Variants in AHCYL1 observed in about 807,000 individuals in gnomAD.
The protein encoded by AHCYL1 is S-adenosylhomocysteine hydrolase-like protein 1.
In AHCYL1, 20 loss-of-function variants were observed where a neutral mutation model predicts 79.3. The observed-to-expected ratio is 0.25, with a 90% CI of 0.18 to 0.37. The LOEUF (loss-of-function observed/expected upper bound fraction) is 0.37. Ranked by LOEUF, AHCYL1 falls within the 10% of genes least tolerant of loss-of-function variation. AHCYL1 has a pLI of 1.00. For synonymous variants in AHCYL1, 223 were observed against 242.2 expected (o/e 0.92, Z 0.74); for missense variants, 330 against 673.6 (o/e 0.49, Z 5.65).
chr1:110,018,291 G>A, intron 11 of AHCYL1, 82 bp from the exon 12 acceptor site: 1 of 1,322,402 alleles, frequency 7.6e-7, no homozygotes, highest in Non-Finnish European at 1.1e-6. Flanking sequence ...CAAGCCTCTG[G>A]TCTCCTATGT....
intron 1 of AHCYL1, among the ~76,000 whole-genome samples, chr1:109,988,772 CT>C (rs1474990458): frequency 6.6e-6 from 1 of 152,182 alleles, no homozygotes; most frequent in Non-Finnish European, 1.5e-5. Flanking sequence ...GAAGAAACTA[CT>C]TTTGTTTATA....
chr1:109,984,856 G>C lies in AHCYL1; in HGVS notation c.-197G>C, dbSNP rs1295413452. 1 of 806,496 alleles carries C rather than the reference G, an allele frequency of 1.2e-6. No individual in the cohort carries two copies. The highest frequency in any genetic ancestry group is 1.7e-6 in the Non-Finnish European group (1 of 602,452). The allele number at this position is 806,496 out of a possible 1,614,324, so 50.0% of individuals were successfully genotyped here. A position where few individuals can be genotyped will look rare whatever the true frequency, so the allele number is the denominator to read the frequency against. On this transcript the variant is annotated 5_prime_UTR_variant, in exon 1 of 17. Coordinates refer to ENST00000369799, the MANE Select transcript of AHCYL1 (RefSeq NM_006621.7). ...TTCTGGTTCTCTTGTGGCCGCCGTC[G>C]CTGTCCGGCTGCCTTGGGCTGCCGA...
chr1:110,015,128 C>T (rs1651331219), intron 6 of AHCYL1, among the ~76,000 whole-genome samples: 1 of 152,060 alleles, frequency 6.6e-6, no homozygotes, highest in Admixed American at 6.6e-5. Context: ...TCCTTCCTGC[C>T]CCAGTTCTCC....
At chr1:110,017,681 C>T (rs1157470774) in intron 10 of AHCYL1, 98 bp downstream of exon 10, 1 of 1,319,080 alleles carries the variant, frequency 7.6e-7, no homozygotes, top group African/African-American at 1.5e-5. Flanking sequence ...CAGAAATCAC[C>T]TAGGGGAAGA....
rs1649994480 is a variant in AHCYL1, at chr1:109,995,681, C to T, written c.120+10509C>T. The stretch of plus-strand genomic sequence containing the variant: ...GATTATTTCTTAGATCAGCACTTCT[C>T]ATTCTGTGGAAGGAGAAGAAGGTAT... On this transcript the variant is annotated intron_variant, in intron 1 of 16. Coordinates refer to ENST00000369799, the MANE Select transcript of AHCYL1 (RefSeq NM_006621.7). The T allele has an allele frequency of 5.1e-6, 5 of 985,300 alleles. No homozygotes were observed. In the South Asian group the frequency reaches 1.9e-4, roughly 37 times the overall value. The allele number at this position is 985,300 out of a possible 1,614,324, so 61.0% of individuals were successfully genotyped here. A position where few individuals can be genotyped will look rare whatever the true frequency, so the allele number is the denominator to read the frequency against.
chr1:110,013,088 A>G (rs1651156479), intron 5 of AHCYL1, 89 bp downstream of exon 5: 1 of 965,386 alleles, frequency 1.0e-6, no homozygotes, highest in Non-Finnish European at 1.5e-6. Context: ...TTACAATATC[A>G]TATATGTCTA....
At chr1:110,005,381 A>G (rs749946546) in intron 1 of AHCYL1, among the ~76,000 whole-genome samples, 6 of 152,248 alleles carry the variant, frequency 3.9e-5, no homozygotes, top group Non-Finnish European at 7.3e-5. Flanking sequence ...TGTGAAGACT[A>G]TAATATCTGG....
chr1:109,988,860 A>T (rs1292434666), intron 1 of AHCYL1, among the ~76,000 whole-genome samples: 1 of 152,256 alleles, frequency 6.6e-6, no homozygotes, highest in Non-Finnish European at 1.5e-5. Flanking sequence ...AAGCACACCA[A>T]GTAGAGCCCC....
intron 1 of AHCYL1, among the ~76,000 whole-genome samples, chr1:109,997,889 A>G (rs896596883): frequency 1.3e-5 from 2 of 152,226 alleles, no homozygotes; most frequent in Non-Finnish European, 2.9e-5. Flanking sequence ...AACTTTCCAT[A>G]TGCACACTGG....
chr1:110,002,187 A>T (rs1455053177), intron 1 of AHCYL1, among the ~76,000 whole-genome samples: 2 of 152,242 alleles, frequency 1.3e-5, no homozygotes, highest in Non-Finnish European at 2.9e-5. Flanking sequence ...AGAACCTAGG[A>T]GTAGTGCATC....
intron 1 of AHCYL1, chr1:110,000,910 TG>T: frequency 1.0e-6 from 1 of 974,920 alleles, no homozygotes; most frequent in Non-Finnish European, 1.2e-6. Context: ...CTCTGTAAAC[TG>T]TAAGCCACAG....
At chr1:109,985,603 C>T (rs1228019316) in intron 1 of AHCYL1, 6 of 955,460 alleles carry the variant, frequency 6.3e-6, no homozygotes, top group East Asian at 2.3e-4. Flanking sequence ...GCCGCTTTAT[C>T]CAACAACTGC....
intron 16 of AHCYL1, 127 bp downstream of exon 16, chr1:110,020,978 C>T: frequency 7.2e-7 from 1 of 1,391,354 alleles, no homozygotes. Context: ...CTGTTCCAGG[C>T]CAGGCACGGT....
chr1:109,994,598 A>G (rs1649934010), intron 1 of AHCYL1, among the ~76,000 whole-genome samples: 1 of 152,124 alleles, frequency 6.6e-6, no homozygotes, highest in African/African-American at 2.4e-5. Context: ...AAATTTTGCT[A>G]TTTTGGAAGT....
intron 1 of AHCYL1, among the ~76,000 whole-genome samples, chr1:110,005,752 C>T (rs910455222): frequency 1.3e-5 from 2 of 149,792 alleles, no homozygotes; most frequent in Non-Finnish European, 3.0e-5. Flanking sequence ...AACTCAGCTT[C>T]TAATGGTAAA....
intron 6 of AHCYL1, 100 bp downstream of exon 6, chr1:110,014,957 T>G (rs978176660): frequency 1.8e-6 from 2 of 1,108,660 alleles, no homozygotes; most frequent in African/African-American, 1.5e-5. Flanking sequence ...TTTGGTCTTA[T>G]GCACTGACTT....
rs1651933556 is a variant in AHCYL1 at position 110,023,608 on chromosome 1, G to C, written c.*1928G>C. 6.6e-6 allele frequency: 1 copy of C among 152,460 alleles called. No homozygotes were observed. The highest frequency in any genetic ancestry group is 1.5e-5 in the Non-Finnish European group (1 of 68,016). 9.4% of individuals were successfully genotyped at this position (152,460 alleles called of 1,614,324 possible). ...ACTGTTAAAAAAAAAAAAAAGTCTGGCATCAGAGGGAGCATGTGGAGAGCA... is the reference window on the plus strand; with the variant it reads ...ACTGTTAAAAAAAAAAAAAAGTCTGCCATCAGAGGGAGCATGTGGAGAGCA... On this transcript the variant is annotated 3_prime_UTR_variant, in exon 17 of 17. Coordinates refer to ENST00000369799, the MANE Select transcript of AHCYL1 (RefSeq NM_006621.7).
rs1039644527 is a variant in AHCYL1 at position 110,022,546 on chromosome 1, C to T, written c.*866C>T. 12 of 152,552 alleles carry T rather than the reference C, an allele frequency of 7.9e-5. No homozygotes were observed. Among genetic ancestry groups the T allele is most frequent in the African/African-American group, 2.4e-4 (10 of 41,408 alleles). 9.4% of individuals were successfully genotyped at this position (152,552 alleles called of 1,614,324 possible). A position where few individuals can be genotyped will look rare whatever the true frequency, so the allele number is the denominator to read the frequency against. Reference sequence around the variant, plus strand: ...CTGTTAAGTCCCTCTGTTTCTAGCCCGTAGTTCATAGCATCAGTGAACTGG... The same window carrying T: ...CTGTTAAGTCCCTCTGTTTCTAGCCTGTAGTTCATAGCATCAGTGAACTGG... On this transcript the variant is annotated 3_prime_UTR_variant, in exon 17 of 17. Transcript: ENST00000369799.
Position 110,017,902 on chromosome 1 carries a change from C to G in AHCYL1, c.1053-44C>G, listed in dbSNP as rs199598560. The G allele has an allele frequency of 1.1e-5, 18 of 1,594,082 alleles. No homozygotes were observed. In the East Asian group the frequency reaches 4.0e-4, roughly 36 times the overall value. On this transcript the variant is annotated intron_variant, in intron 10 of 16. Transcript: ENST00000369799. ...CATTTCATGACCATCTTCCCTCCCA[C>G]TGCCTTCTTGCTTTACTCATAGTGT... is the stretch of plus-strand genomic sequence containing the variant.
Sources: allele counts gnomAD v4.1 joint callset (sites outside exome capture counted in the v4.1 genomes callset), GRCh38; gene constraint gnomAD v4.1.1; transcripts MANE v1.5; gene names NCBI Gene and HGNC (gene_info 2026-07-23, HGNC 2026-07-21).